Variants in PATJ observed in about 807,000 individuals in gnomAD.
PATJ encodes inaD-like protein.
A neutral mutation model predicts 224.9 loss-of-function variants in PATJ; 190 were observed. That is an observed-to-expected ratio of 0.84 (90% confidence interval 0.75 to 0.95). The LOEUF (loss-of-function observed/expected upper bound fraction) is 0.95, where lower values mean the gene tolerates loss of function less well. Ranked by LOEUF, PATJ falls within the 40% of genes least tolerant of loss-of-function variation. PATJ has a pLI of 0.00. For missense variants in PATJ, 2,121 were observed against 2,270.3 expected (o/e 0.93, Z 1.34); for synonymous variants, 769 against 820.3 (o/e 0.94, Z 1.07).
chr1:61,761,245 G>C (rs1645953813), intron 1 of PATJ, among the ~76,000 whole-genome samples: 1 of 152,038 alleles, frequency 6.6e-6, no homozygotes, highest in Non-Finnish European at 1.5e-5. Flanking sequence ...CTAAAGTACT[G>C]GGATCACAGT....
At position 61,914,674 on chromosome 1, in the gene PATJ, A is replaced by AC; in HGVS notation, c.3570+12dup. ...AGAAAAGAAAGAAAAGGTAACTTGA[A>AC]CCTCTCAAGGATTTAAAAAATGTTT... On this transcript the variant is annotated intron_variant, in intron 26 of 43. Coordinates refer to ENST00000642238, the MANE Select transcript of PATJ (RefSeq NM_001350145.3). The AC allele has an allele frequency of 6.6e-7, 1 of 1,507,882 alleles. No individual in the cohort carries two copies. Among genetic ancestry groups the AC allele is most frequent in the Non-Finnish European group, 9.2e-7 (1 of 1,090,056 alleles). The allele number at this position is 1,507,882 out of a possible 1,614,324, so 93.4% of individuals were successfully genotyped here. A position where few individuals can be genotyped will look rare whatever the true frequency, so the allele number is the denominator to read the frequency against.
chr1:61,914,556 C>CT lies in PATJ; in HGVS notation c.3493-29dup, dbSNP rs1395936250. The CT allele has an allele frequency of 1.9e-5, 20 of 1,075,450 alleles. No homozygotes were observed. The East Asian group carries it at 4.6e-4, about 25-fold the overall frequency. The allele number at this position is 1,075,450 out of a possible 1,614,324, so 66.6% of individuals were successfully genotyped here. On this transcript the variant is annotated intron_variant, in intron 25 of 43. Transcript: ENST00000642238. Reference sequence around the variant, plus strand: ...AATGATTATGTCGTTTAAACGTTTTCTTCCCCCCACCCCTTTTTTTGTCAC... The same window carrying CT: ...AATGATTATGTCGTTTAAACGTTTTCTTTCCCCCCACCCCTTTTTTTGTCAC...
intron 26 of PATJ, among the ~76,000 whole-genome samples, chr1:61,916,520 A>T (rs567837663): frequency 8.5e-5 from 13 of 152,314 alleles, no homozygotes; most frequent in African/African-American, 2.4e-4. Context: ...ATGATAGCTA[A>T]CATTCTTGTC....
chr1:62,000,968 A>G (rs1645730105), intron 28 of PATJ, among the ~76,000 whole-genome samples: 1 of 151,036 alleles, frequency 6.6e-6, no homozygotes, highest in African/African-American at 2.5e-5. Context: ...GCATTTTTTC[A>G]TGTGTCTGTT....
chr1:61,824,680 C>T (rs1657921098), intron 15 of PATJ, among the ~76,000 whole-genome samples: 1 of 152,116 alleles, frequency 6.6e-6, no homozygotes, highest in Non-Finnish European at 1.5e-5. Flanking sequence ...CTACCTCGGC[C>T]TCCCAAAGTA....
At chr1:61,802,794 G>A (rs1652806224) in intron 12 of PATJ, among the ~76,000 whole-genome samples, 1 of 151,668 alleles carries the variant, frequency 6.6e-6, no homozygotes, top group Non-Finnish European at 1.5e-5. Context: ...TGATACCTTA[G>A]CTATTATAGT....
At position 62,077,302 on chromosome 1, in the gene PATJ, A is replaced by ATTT; in HGVS notation, c.4126-2148_4126-2147insTTT. ...AGTCCTCTCAATGTTGTTTTCTTAT[A>ATTT]GTAACCCCTTATTTGTCCTTTTCTA... is the stretch of plus-strand genomic sequence containing the variant. On this transcript the variant is annotated intron_variant, in intron 31 of 43. Transcript: ENST00000642238. Among the ~76,000 whole-genome samples, 3 of 152,308 alleles carry ATTT rather than the reference A, an allele frequency of 2.0e-5. 1 individual carries two copies. The South Asian group carries it at 6.2e-4, about 32-fold the overall frequency.
intron 31 of PATJ, among the ~76,000 whole-genome samples, chr1:62,063,155 T>C (rs1297260047): frequency 3.3e-5 from 5 of 152,226 alleles, no homozygotes; most frequent in Admixed American, 2.0e-4. Flanking sequence ...AATTAAGTCT[T>C]CAATCCATCT....
At chr1:62,000,906 G>A (rs1457205009) in intron 28 of PATJ, among the ~76,000 whole-genome samples, 4 of 150,898 alleles carry the variant, frequency 2.7e-5, no homozygotes, top group South Asian at 2.1e-4. Context: ...GGTATGAGAC[G>A]GTATCTCATT....
intron 28 of PATJ, among the ~76,000 whole-genome samples, chr1:62,009,437 C>A (rs1646295570): frequency 6.6e-6 from 1 of 152,108 alleles, no homozygotes. Context: ...TAATTTATTT[C>A]TAAAAATTGC....
intron 27 of PATJ, 136 bp from the exon 28 acceptor site, chr1:61,990,031 AT>A: frequency 1.5e-6 from 1 of 659,102 alleles, no homozygotes; most frequent in East Asian, 2.8e-5. Context: ...AGTCTGCGCA[AT>A]ATAGCAAGAC....
chr1:61,780,012 A>C (rs1450376938), intron 7 of PATJ, among the ~76,000 whole-genome samples: 2 of 152,168 alleles, frequency 1.3e-5, no homozygotes, highest in Non-Finnish European at 2.9e-5. Flanking sequence ...CAAGCCATTC[A>C]TGAGGGATTC....
chr1:62,079,057 T>A (rs1305796897), intron 31 of PATJ, among the ~76,000 whole-genome samples: 2 of 152,110 alleles, frequency 1.3e-5, no homozygotes, highest in Non-Finnish European at 2.9e-5. Context: ...TGTTTTTCAA[T>A]GTGCACAACA....
intron 7 of PATJ, among the ~76,000 whole-genome samples, chr1:61,787,494 G>A (rs561615944): frequency 7.2e-5 from 11 of 152,268 alleles, no homozygotes; most frequent in African/African-American, 2.4e-4. Context: ...TAGGCCATTA[G>A]GCATGAGCTT....
chr1:62,136,665 CTG>C (rs71050202), intron 41 of PATJ, among the ~76,000 whole-genome samples: 345 of 46,772 alleles, frequency 7.4e-3, no homozygotes, highest in Admixed American at 0.016. Context: ...GTGTGTGTGT[CTG>C]TGTGTGTGTG....
chr1:62,096,522 T>C (rs891677044), intron 33 of PATJ, among the ~76,000 whole-genome samples: 7 of 152,202 alleles, frequency 4.6e-5, no homozygotes, highest in Non-Finnish European at 7.3e-5. Flanking sequence ...ATCCTTGTAG[T>C]ATAATCTTTC....
At chr1:62,094,558 A>AACACACACACACAC (rs58104906) in intron 33 of PATJ, among the ~76,000 whole-genome samples, 12 of 132,538 alleles carry the variant, frequency 9.1e-5, no homozygotes, top group African/African-American at 3.4e-4. Context: ...ATTCTGTCTC[A>AACACACACACACAC]ACACACACAC....
intron 28 of PATJ, among the ~76,000 whole-genome samples, chr1:62,006,771 T>C (rs1646119212): frequency 1.3e-5 from 2 of 152,238 alleles, no homozygotes; most frequent in African/African-American, 4.8e-5. Context: ...TCCGTTATAA[T>C]ATAGCTTAGA....
intron 27 of PATJ, among the ~76,000 whole-genome samples, chr1:61,983,395 G>C (rs1241554933): frequency 6.6e-6 from 1 of 152,008 alleles, no homozygotes; most frequent in African/African-American, 2.4e-5. Flanking sequence ...AGTTTCTTCA[G>C]CTTGATAAAG....
Sources: gnomAD v4.1 joint callset for allele counts (sites outside exome capture counted in the v4.1 genomes callset) on GRCh38, gnomAD v4.1.1 for gene constraint, MANE v1.5 for transcripts, NCBI Gene and HGNC (gene_info 2026-07-23, HGNC 2026-07-21) for gene names.